TYRP1: variants seen among roughly 807,000 people sequenced by gnomAD.
The protein encoded by TYRP1 is 5,6-dihydroxyindole-2-carboxylic acid oxidase.
A neutral mutation model predicts 42.8 loss-of-function variants in TYRP1; 49 were observed. The observed-to-expected ratio is 1.14, with a 90% CI of 0.91 to 1.45. TYRP1 has a LOEUF of 1.45. Among genes scored for constraint, TYRP1 ranks in the 40% most tolerant of loss-of-function variants. The probability of loss-of-function intolerance (pLI) is 0.00; values close to 1 mark genes in which losing one functional copy is unlikely to be tolerated. For missense variants in TYRP1, 848 were observed against 662.0 expected, an observed-to-expected ratio of 1.28 and a Z score of -3.08; for synonymous variants, 279 against 235.4, an observed-to-expected ratio of 1.19 and a Z score of -1.69.
chr9:12,703,909 GTA>G lies in TYRP1; in HGVS notation c.1082-611_1082-610del, dbSNP rs1554648040. Among the ~76,000 whole-genome samples, 551 of 121,640 alleles carry G rather than the reference GTA, an allele frequency of 4.5e-3. 2 individuals are homozygous for G. Among genetic ancestry groups the G allele is most frequent in the African/African-American group, 0.014 (520 of 36,474 alleles). 79.8% of individuals were successfully genotyped at this position (121,640 alleles called of 152,430 possible). On this transcript the variant is annotated intron_variant, in intron 5 of 7. Transcript: ENST00000388918. ...TGTGTGTGTGTGTGTGTGTGTGTGT[GTA>G]TATATGTGTGTGTATATGTATATAT... is the stretch of plus-strand genomic sequence containing the variant.
In TYRP1 at chr9:12,698,633, T is replaced by C; in HGVS notation, c.891T>C (p.Asp297=). The C allele has an allele frequency of 6.2e-7, 1 of 1,613,732 alleles. No individual in the cohort carries two copies. The highest frequency in any genetic ancestry group is 8.5e-7 in the Non-Finnish European group (1 of 1,179,720). Reference sequence around the variant, plus strand: ...TCTGTGACTCCTTGGAAGATTATGATACCCTGGGAACACTTTGTAACAGTA... The same window carrying C: ...TCTGTGACTCCTTGGAAGATTATGACACCCTGGGAACACTTTGTAACAGTA... The part of the protein sequence containing the change: ...RVVCDSLEDY[D]TLGTLCNSTE... Residue 297 remains aspartate, a synonymous_variant, in exon 4 of 8, where the codon GAT becomes GAC. Coordinates refer to ENST00000388918, the MANE Select transcript of TYRP1 (RefSeq NM_000550.3).
In TYRP1 at chr9:12,709,585, C is replaced by G. The variant is rs1325870146; in HGVS notation, c.*403C>G. ...CATTTCTAAAATGTTAAAACATAAA[C>G]ACATTTCCATTCATGGATATTTGTC... On this transcript the variant is annotated 3_prime_UTR_variant, in exon 8 of 8. Transcript: ENST00000388918. 1 of 193,628 alleles carries G rather than the reference C, an allele frequency of 5.2e-6. No homozygotes were observed. Among genetic ancestry groups the G allele is most frequent in the Non-Finnish European group, 1.1e-5 (1 of 92,476 alleles). 12.0% of individuals were successfully genotyped at this position (193,628 alleles called of 1,614,324 possible). A position where few individuals can be genotyped will look rare whatever the true frequency, so the allele number is the denominator to read the frequency against.
At chr9:12,703,172 C>T (rs2209276) in intron 5 of TYRP1, among the ~76,000 whole-genome samples, 3,786 of 151,886 alleles carry the variant, frequency 0.025, 78 homozygotes, top group Non-Finnish European at 0.04. Flanking sequence ...AATATAATTA[C>T]TTTTATCTTA....
Position 12,695,523 on chromosome 9 carries a change from A to C in TYRP1, c.394A>C (p.Asn132His). 1 of 1,614,122 alleles carries C rather than the reference A, an allele frequency of 6.2e-7. No individual in the cohort carries two copies. The highest frequency in any genetic ancestry group is 1.1e-5 in the South Asian group (1 of 91,088). ...ATTTTGTATCCCTAAAGTCAGGAGA[A>C]ATCTTCTGGACTTAAGTAAAGAAGA... ...CDQRVLIVRR[N>H]LLDLSKEEKN... Residue 132 changes from asparagine to histidine, a missense_variant, in exon 3 of 8, where the codon AAT becomes CAT. By Grantham distance (68) the Asn-to-His change is moderately conservative. Coordinates refer to ENST00000388918, the MANE Select transcript of TYRP1 (RefSeq NM_000550.3).
At chr9:12,699,222 C>A (rs566080722) in intron 4 of TYRP1, among the ~76,000 whole-genome samples, 3 of 152,036 alleles carry the variant, frequency 2.0e-5, no homozygotes, top group African/African-American at 4.8e-5. Flanking sequence ...AGTAAGAGTA[C>A]GCCTAATCAG....
At chr9:12,707,892 A>T (rs1261558758) in intron 6 of TYRP1, 105 bp from the exon 7 acceptor site, 15 of 1,140,794 alleles carry the variant, frequency 1.3e-5, no homozygotes, top group African/African-American at 3.2e-5. Flanking sequence ...TAAGAATAAA[A>T]TTTTTTCAGG....
chr9:12,693,768 TGTGTGAAATGTC>T (rs1818031384), intron 1 of TYRP1, 132 bp from the exon 2 acceptor site: 20 of 135,840 alleles, frequency 1.5e-4, no homozygotes, highest in Non-Finnish European at 1.5e-4. Flanking sequence ...AGGTAAAATT[TGTGTGAAATGTC>T]ACACTTTTAT....
rs763508225 is a variant in TYRP1 at position 12,695,691 on chromosome 9, T to C, written c.562T>C (p.Phe188Leu). 1 of 1,614,176 alleles carries C rather than the reference T, an allele frequency of 6.2e-7. No homozygotes were observed. The highest frequency in any genetic ancestry group is 1.1e-5 in the South Asian group (1 of 91,076). ...QFENISIYNY[F>L]VWTHYYSVKK... ...TGAGAACATTTCCATTTATAACTAC[T>C]TTGTTTGGACACACTATTACTCAGT... Residue 188 changes from phenylalanine to leucine, a missense_variant, in exon 3 of 8, where the codon TTT becomes CTT. By Grantham distance (22) the Phe-to-Leu change is conservative. Coordinates refer to ENST00000388918, the MANE Select transcript of TYRP1 (RefSeq NM_000550.3).
Position 12,695,735 on chromosome 9 carries a change from G to T in TYRP1, c.606G>T (p.Gly202=). Residue 202 remains glycine (G), a synonymous_variant, in exon 3 of 8, where the codon GGG becomes GGT. Transcript: ENST00000388918. ...ACTCAGTCAAAAAGACTTTCCTTGG[G>T]GTAGGACAGGAAAGCTTTGGTGAAG... The part of the protein sequence containing the change: ...HYYSVKKTFL[G]VGQESFGEVD... 1 of 1,614,124 alleles carries T rather than the reference G, an allele frequency of 6.2e-7. No homozygotes were observed. The highest frequency in any genetic ancestry group is 2.2e-5 in the East Asian group (1 of 44,870).
chr9:12,701,331 G>T (rs539973569), intron 4 of TYRP1, among the ~76,000 whole-genome samples: 284 of 150,782 alleles, frequency 1.9e-3, no homozygotes, highest in African/African-American at 6.5e-3. Flanking sequence ...CCCTTTTTTT[G>T]TTTATTTTAC....
intron 6 of TYRP1, among the ~76,000 whole-genome samples, chr9:12,706,514 G>A (rs1010275197): frequency 3.3e-5 from 5 of 151,890 alleles, no homozygotes; most frequent in African/African-American, 9.7e-5. Context: ...AATATGTGTA[G>A]CATAAGGTTT....
intron 5 of TYRP1, among the ~76,000 whole-genome samples, chr9:12,704,157 C>T (rs1818220697): frequency 1.3e-5 from 2 of 152,022 alleles, no homozygotes; most frequent in African/African-American, 4.8e-5. Context: ...GAGCATTCTT[C>T]TCCCAATTGT....
rs772476958 is a variant in TYRP1, at chr9:12,707,989, TA to T, written c.1262-6del. ...GTTTATTAATACGTTGTCTTTGGAA[TA>T]ATTTAGATATATCCACATTTCCATT... On this transcript the variant is annotated splice_polypyrimidine_tract_variant and splice_region_variant and intron_variant, in intron 6 of 7. Transcript: ENST00000388918. The T allele has an allele frequency of 9.1e-5, 147 of 1,607,616 alleles. No individual in the cohort carries two copies. Among genetic ancestry groups the T allele is most frequent in the Non-Finnish European group, 1.2e-4 (142 of 1,175,710 alleles).
chr9:12,695,382 A>C, intron 2 of TYRP1, 133 bp from the exon 3 acceptor site: 1 of 793,626 alleles, frequency 1.3e-6, no homozygotes, highest in Non-Finnish European at 2.0e-6. Context: ...TATTTTTAAA[A>C]GTGTAAAATA....
chr9:12,694,476 A>C (rs1217361235), intron 2 of TYRP1, 95 bp downstream of exon 2: 1 of 1,440,862 alleles, frequency 6.9e-7, no homozygotes, highest in Non-Finnish European at 9.5e-7. Context: ...ATACCTGGAA[A>C]TCATATAGCT....
In TYRP1 at chr9:12,698,649, T is replaced by G. The variant is rs193035382; in HGVS notation, c.907T>G (p.Cys303Gly). ...AGATTATGATACCCTGGGAACACTT[T>G]GTAACAGTAAGTTCCAAATGATAGC... ...LEDYDTLGTL[C>G]NSTEDGPIRR... The change falls in exon 4 of 8, where the codon TGT becomes GGT. Residue 303 changes from cysteine (C) to glycine (G), a missense_variant. Transcript: ENST00000388918. 1 of 1,613,450 alleles carries G rather than the reference T, an allele frequency of 6.2e-7. No individual in the cohort carries two copies. Among genetic ancestry groups the G allele is most frequent in the African/African-American group, 1.3e-5 (1 of 75,056 alleles).
In TYRP1 at chr9:12,709,476, AAG is replaced by A. The variant is rs1818321674; in HGVS notation, c.*295_*296del. On this transcript the variant is annotated 3_prime_UTR_variant, in exon 8 of 8. Transcript: ENST00000388918. ...TTAAAGGTTGAGTATGTGAAGATAT[AAG>A]TAAGTGAACTACCATGCTTTGTTTA... 4 of 5,606 alleles carry A rather than the reference AAG, an allele frequency of 7.1e-4. No individual in the cohort carries two copies. The highest frequency in any genetic ancestry group is 0.011 in the African/African-American group (2 of 186). 0.3% of individuals were successfully genotyped at this position (5,606 alleles called of 1,614,324 possible). A position where few individuals can be genotyped will look rare whatever the true frequency, so the allele number is the denominator to read the frequency against.
intron 6 of TYRP1, among the ~76,000 whole-genome samples, chr9:12,707,012 GAC>G (rs887609735): frequency 4.2e-4 from 64 of 152,024 alleles, no homozygotes; most frequent in African/African-American, 1.5e-3. Flanking sequence ...CCTTTCATTA[GAC>G]ATGAAATAGT....
chr9:12,697,455 C>G (rs1380220244), intron 3 of TYRP1, among the ~76,000 whole-genome samples: 3 of 152,038 alleles, frequency 2.0e-5, no homozygotes, highest in Admixed American at 6.6e-5. Flanking sequence ...GGACTACAAA[C>G]CCCTGGAGAC....
Sources: allele counts gnomAD v4.1 joint callset (sites outside exome capture counted in the v4.1 genomes callset), GRCh38; gene constraint gnomAD v4.1.1; transcripts MANE v1.5; gene names NCBI Gene and HGNC (gene_info 2026-07-23, HGNC 2026-07-21).